The following SHISA9 variants were observed in gnomAD, a reference collection of about 807,000 sequenced individuals.
SHISA9 encodes the protein shisa family member 9.
In SHISA9, 13 loss-of-function variants were observed where a neutral mutation model predicts 38.0. The observed-to-expected ratio is 0.34, with a 90% CI of 0.22 to 0.54. The LOEUF (loss-of-function observed/expected upper bound fraction) is 0.54, where lower values mean the gene tolerates loss of function less well. Among genes scored for constraint, SHISA9 ranks in the 20% least tolerant of loss-of-function variants. The pLI is 0.91. For synonymous variants in SHISA9, 275 were observed against 242.0 expected (o/e 1.14, Z -1.27); for missense variants, 538 against 575.8 (o/e 0.93, Z 0.67).
chr16:13,503,872 C>A, the SHISA9 span, among the ~76,000 whole-genome samples: 1 of 152,082 alleles, frequency 6.6e-6, no homozygotes, highest in African/African-American at 2.4e-5. Context: ...AGGGATGTAG[C>A]TTTACATGTT....
chr16:13,189,859 A>C (rs1271084590), intron 2 of SHISA9, among the ~76,000 whole-genome samples: 1 of 152,302 alleles, frequency 6.6e-6, no homozygotes, highest in South Asian at 2.1e-4. Flanking sequence ...GCCTCTCACT[A>C]TGTGGCTGGT....
At chr16:13,475,542 A>G in the SHISA9 span, among the ~76,000 whole-genome samples, 6 of 152,146 alleles carry the variant, frequency 3.9e-5, no homozygotes, top group African/African-American at 1.4e-4. Flanking sequence ...AACCAACTCA[A>G]TAGTCCCATA....
chr16:13,341,017 T>C, the SHISA9 span, among the ~76,000 whole-genome samples: 1 of 152,174 alleles, frequency 6.6e-6, no homozygotes, highest in Admixed American at 6.5e-5. Flanking sequence ...CTAACCACAG[T>C]TGTGATTATA....
the SHISA9 span, among the ~76,000 whole-genome samples, chr16:13,532,658 G>T: frequency 1.3e-5 from 2 of 152,082 alleles, no homozygotes; most frequent in Non-Finnish European, 2.9e-5. Context: ...AGTTGGGAAA[G>T]TGTCCCCCTT....
intron 2 of SHISA9, among the ~76,000 whole-genome samples, chr16:13,138,243 A>AT (rs1469584308): frequency 4.6e-5 from 7 of 152,208 alleles, no homozygotes; most frequent in African/African-American, 1.7e-4. Context: ...ATCCCAGAGC[A>AT]ACTGAATCAG....
intron 2 of SHISA9, among the ~76,000 whole-genome samples, chr16:12,961,152 A>AAG (rs1238893338): frequency 1.3e-5 from 2 of 152,162 alleles, no homozygotes; most frequent in African/African-American, 4.8e-5. Flanking sequence ...TGACCAGCTG[A>AAG]AGGAAGGGAG....
intron 2 of SHISA9, among the ~76,000 whole-genome samples, chr16:12,930,771 T>C (rs1362966286): frequency 6.6e-6 from 1 of 152,218 alleles, no homozygotes; most frequent in African/African-American, 2.4e-5. Context: ...ATTAAATCTC[T>C]AACAGTTATG....
chr16:13,491,928 C>T, the SHISA9 span, among the ~76,000 whole-genome samples: 2 of 139,662 alleles, frequency 1.4e-5, no homozygotes, highest in Admixed American at 7.7e-5. Context: ...CCTCCTGCCT[C>T]AGCCTCCCAA....
At chr16:13,257,276 G>A in the SHISA9 span, among the ~76,000 whole-genome samples, 13 of 152,144 alleles carry the variant, frequency 8.5e-5, no homozygotes, top group East Asian at 1.9e-4. Flanking sequence ...GAGATGCTGC[G>A]TAGGGTAATT....
the SHISA9 span, among the ~76,000 whole-genome samples, chr16:13,338,659 C>A: frequency 6.6e-6 from 1 of 152,112 alleles, no homozygotes; most frequent in Non-Finnish European, 1.5e-5. Flanking sequence ...AAAGGGTCTG[C>A]CTCCTGAGTG....
Position 13,235,193 on chromosome 16 carries a change from C to T in SHISA9, c.1059C>T (p.Asn353=). ...AKQNGQKSRT[N]KMPPHPLAYT... ...AGAATGGACAGAAGTCCCGCACCAA[C>T]AAGATGCCCCCACATCCCCTGGCCT... The change falls in exon 5 of 5, where the codon AAC becomes AAT. Residue 353 remains asparagine (N), a synonymous_variant. Coordinates refer to ENST00000558583, the MANE Select transcript of SHISA9 (RefSeq NM_001145204.3). 1.3e-6 allele frequency: 2 copies of T among 1,551,828 alleles called. No individual in the cohort carries two copies. Among genetic ancestry groups the T allele is most frequent in the South Asian group, 1.2e-5 (1 of 84,064 alleles).
the SHISA9 span, among the ~76,000 whole-genome samples, chr16:13,336,811 T>A: frequency 3.9e-5 from 6 of 152,126 alleles, no homozygotes; most frequent in African/African-American, 1.4e-4. Flanking sequence ...CAGCTAGCTT[T>A]CCTCACCTAT....
At chr16:13,373,236 G>C in the SHISA9 span, among the ~76,000 whole-genome samples, 1 of 152,206 alleles carries the variant, frequency 6.6e-6, no homozygotes, top group African/African-American at 2.4e-5. Flanking sequence ...AAGGTTGAAA[G>C]AGTAATACAG....
the SHISA9 span, among the ~76,000 whole-genome samples, chr16:13,367,708 GCGCGCACACACACACA>G: frequency 1.3e-4 from 15 of 116,672 alleles, no homozygotes; most frequent in South Asian, 2.0e-3. Flanking sequence ...GCGCGCGCGC[GCGCGCACACACACACA>G]CACACACACA....
At chr16:13,468,511 C>T in the SHISA9 span, among the ~76,000 whole-genome samples, 2 of 152,208 alleles carry the variant, frequency 1.3e-5, no homozygotes, top group African/African-American at 2.4e-5. Flanking sequence ...TATAATACTT[C>T]CATACTTTCA....
intron 2 of SHISA9, among the ~76,000 whole-genome samples, chr16:12,979,537 G>A (rs1026220751): frequency 6.6e-6 from 1 of 151,986 alleles, no homozygotes; most frequent in Non-Finnish European, 1.5e-5. Flanking sequence ...CATCAGTCTT[G>A]GTTCGTCATT....
chr16:13,213,176 A>C, intron 3 of SHISA9, 77 bp from the exon 4 acceptor site: 1 of 1,333,396 alleles, frequency 7.5e-7, no homozygotes, highest in East Asian at 2.5e-5. Context: ...AGCCAACAGC[A>C]CCTGGGTGTG....
At chr16:13,145,384 A>C (rs2050438222) in intron 2 of SHISA9, among the ~76,000 whole-genome samples, 1 of 152,140 alleles carries the variant, frequency 6.6e-6, no homozygotes, top group Non-Finnish European at 1.5e-5. Context: ...AAAATTAGCC[A>C]GGTGTGGTGG....
intron 2 of SHISA9, among the ~76,000 whole-genome samples, chr16:13,072,693 C>T (rs1402862947): frequency 6.7e-6 from 1 of 150,242 alleles, no homozygotes; most frequent in Non-Finnish European, 1.5e-5. Flanking sequence ...CGGAGTCTTG[C>T]TCTGTCACCC....
Sources: allele counts gnomAD v4.1 joint callset (sites outside exome capture counted in the v4.1 genomes callset), GRCh38; gene constraint gnomAD v4.1.1; transcripts MANE v1.5; gene names NCBI Gene and HGNC (gene_info 2026-07-23, HGNC 2026-07-21).